The following CRB1 variants were observed in gnomAD, a reference collection of about 807,000 sequenced individuals.
CRB1 encodes protein crumbs homolog 1.
In CRB1, 83 loss-of-function variants were observed where a neutral mutation model predicts 120.0. The ratio of observed to expected loss-of-function variants is 0.69; its 90% confidence interval spans 0.58 to 0.83. The LOEUF (loss-of-function observed/expected upper bound fraction) is 0.83. CRB1 is among the 40% of genes least tolerant of loss of function. The probability of loss-of-function intolerance (pLI) is 0.00; values close to 1 mark genes in which losing one functional copy is unlikely to be tolerated. For synonymous variants in CRB1, 625 were observed against 612.5 expected (o/e 1.02, Z -0.30); for missense variants, 1,699 against 1,687.6 (o/e 1.01, Z -0.12).
At chr1:197,206,767 A>G in the CRB1 span, among the ~76,000 whole-genome samples, 1 of 152,166 alleles carries the variant, frequency 6.6e-6, no homozygotes, top group Non-Finnish European at 1.5e-5. Context: ...TCTAAAGTAT[A>G]GTTTAAATCC....
intron 11 of CRB1, chr1:197,443,495 G>T (rs554859324): frequency 1.3e-5 from 2 of 151,628 alleles, no homozygotes; most frequent in African/African-American, 2.4e-5. Flanking sequence ...ACTAATTTCA[G>T]TTGCTTTTCA....
chr1:197,210,016 TG>T, the CRB1 span, among the ~76,000 whole-genome samples: 2 of 152,254 alleles, frequency 1.3e-5, no homozygotes, highest in Admixed American at 1.3e-4. Flanking sequence ...TGGTAGTTCT[TG>T]GAGTAAAAGT....
the CRB1 span, among the ~76,000 whole-genome samples, chr1:197,213,188 A>G: frequency 7.2e-5 from 11 of 152,328 alleles, no homozygotes; most frequent in African/African-American, 2.6e-4. Context: ...AAGTTCCAGT[A>G]TAAGTAATAG....
chr1:197,408,456 C>A (rs1013364093), intron 5 of CRB1, among the ~76,000 whole-genome samples: 2 of 152,036 alleles, frequency 1.3e-5, no homozygotes, highest in African/African-American at 4.8e-5. Flanking sequence ...TGAATAAAAG[C>A]CAGATTGTGG....
intron 5 of CRB1, among the ~76,000 whole-genome samples, chr1:197,358,335 T>C: frequency 6.6e-6 from 1 of 152,194 alleles, no homozygotes; most frequent in East Asian, 1.9e-4. Flanking sequence ...TAAATATTGG[T>C]TTTAGGGTCA....
chr1:197,413,500 GAAAACA>G lies in CRB1; in HGVS notation c.1172-7487_1172-7482del, dbSNP rs1164632825. ...CTATTCAAAAGGAAAACAAACAAAAGAAAACAAAAACAAAAACAGCATTTCCTTTGT... is the reference window on the plus strand; with the variant it reads ...CTATTCAAAAGGAAAACAAACAAAAGAAAACAAAAACAGCATTTCCTTTGT... On this transcript the variant is annotated intron_variant, in intron 5 of 11. Coordinates refer to ENST00000367400, the MANE Select transcript of CRB1 (RefSeq NM_201253.3). Among the ~76,000 whole-genome samples the G allele has an allele frequency of 2.6e-5, 4 of 152,100 alleles. No homozygotes were observed. In the East Asian group the frequency reaches 7.7e-4, roughly 29 times the overall value.
chr1:197,344,297 G>A lies in CRB1; in HGVS notation c.669G>A (p.Leu223=). The A allele has an allele frequency of 6.2e-7, 1 of 1,614,004 alleles. No homozygotes were observed. Among genetic ancestry groups the A allele is most frequent in the East Asian group, 2.2e-5 (1 of 44,894 alleles). The change falls in exon 3 of 12, where the codon TTG becomes TTA. Residue 223 remains leucine, a synonymous_variant. Transcript: ENST00000367400. ...PHNYSGVNCE[L]EIDECWSQPC... ...TTTTAAAAGGTGTAAACTGTGAATT[G>A]GAAATTGACGAATGTTGGTCCCAGC...
intron 11 of CRB1, among the ~76,000 whole-genome samples, chr1:197,467,985 A>G (rs567201451): frequency 1.3e-4 from 20 of 152,280 alleles, no homozygotes; most frequent in Admixed American, 3.9e-4. Context: ...TTCCTGGCAC[A>G]TGAGCTGTCT....
chr1:197,427,848 T>C lies in CRB1; in HGVS notation c.2523T>C (p.Thr841=), dbSNP rs1191597946. 1.9e-6 allele frequency: 3 copies of C among 1,613,948 alleles called. No homozygotes were observed. Among genetic ancestry groups the C allele is most frequent in the African/African-American group, 1.3e-5 (1 of 74,928 alleles). ...GTGGCCTACCTGACAAGCAAGAGAC[T>C]GAACTTAATGGTGGATTCTTCAAAG... ...YIGGLPDKQE[T]ELNGGFFKGC... The change falls in exon 7 of 12, where the codon ACT becomes ACC. Residue 841 remains threonine (T), a synonymous_variant. Transcript: ENST00000367400.
intron 1 of CRB1, among the ~76,000 whole-genome samples, chr1:197,282,238 A>G (rs1655562829): frequency 6.6e-6 from 1 of 151,756 alleles, no homozygotes; most frequent in African/African-American, 2.4e-5. Context: ...ATAAAAAAAG[A>G]AGATAAAGAG....
At chr1:197,385,862 T>C (rs1401568952) in intron 5 of CRB1, among the ~76,000 whole-genome samples, 1 of 151,924 alleles carries the variant, frequency 6.6e-6, no homozygotes, top group Non-Finnish European at 1.5e-5. Flanking sequence ...TTCAGAGCTT[T>C]AAAAAAAGAA....
chr1:197,370,852 T>A (rs992597876), intron 5 of CRB1, among the ~76,000 whole-genome samples: 19 of 152,146 alleles, frequency 1.2e-4, no homozygotes, highest in African/African-American at 4.6e-4. Context: ...TTTTGAGGAT[T>A]TCAGCATCCG....
chr1:197,332,521 CTAT>C (rs1658920903), intron 2 of CRB1, among the ~76,000 whole-genome samples: 1 of 151,940 alleles, frequency 6.6e-6, no homozygotes, highest in South Asian at 2.1e-4. Context: ...AAAATCGGGT[CTAT>C]TATTAGCTGG....
chr1:197,429,018 A>C, intron 7 of CRB1: 1 of 1,512,472 alleles, frequency 6.6e-7, no homozygotes. Flanking sequence ...TGGGATCCAG[A>C]GGACCTAAGT....
chr1:197,394,344 A>G (rs1221289438), intron 5 of CRB1, among the ~76,000 whole-genome samples: 1 of 152,104 alleles, frequency 6.6e-6, no homozygotes, highest in African/African-American at 2.4e-5. Flanking sequence ...TATAACATGC[A>G]AAATATGTGT....
intron 1 of CRB1, among the ~76,000 whole-genome samples, chr1:197,293,582 C>A (rs1484299471): frequency 2.0e-5 from 3 of 152,004 alleles, no homozygotes. Flanking sequence ...CATATGGAAC[C>A]AGAAAAGAGC....
intron 1 of CRB1, among the ~76,000 whole-genome samples, chr1:197,323,890 A>G (rs1403567303): frequency 6.6e-6 from 1 of 152,168 alleles, no homozygotes; most frequent in East Asian, 1.9e-4. Flanking sequence ...TTTGAGAGAA[A>G]AAGAAACCTT....
intron 11 of CRB1, among the ~76,000 whole-genome samples, chr1:197,448,429 G>C (rs1165692779): frequency 1.3e-5 from 2 of 152,110 alleles, no homozygotes; most frequent in Non-Finnish European, 2.9e-5. Flanking sequence ...ACAACATCTG[G>C]ATAGTGTAAA....
the CRB1 span, among the ~76,000 whole-genome samples, chr1:197,213,482 T>C: frequency 6.6e-6 from 1 of 152,114 alleles, no homozygotes; most frequent in African/African-American, 2.4e-5. Flanking sequence ...ATTAAAGTTA[T>C]AAGGACCTCA....
Sources: allele counts gnomAD v4.1 joint callset (sites outside exome capture counted in the v4.1 genomes callset), GRCh38; gene constraint gnomAD v4.1.1; transcripts MANE v1.5; gene names NCBI Gene and HGNC (gene_info 2026-07-23, HGNC 2026-07-21).